Variants in MPPED2 observed in about 807,000 individuals in gnomAD.
The protein encoded by MPPED2 is metallophosphoesterase domain containing 2, also known as metallophosphoesterase MPPED2.
Under a neutral mutation model 33.0 loss-of-function variants are expected in MPPED2, and 5 were observed. The ratio of observed to expected loss-of-function variants is 0.15; its 90% CI spans 0.08 to 0.32. The LOEUF (loss-of-function observed/expected upper bound fraction) is 0.32, where lower values mean the gene tolerates loss of function less well. Ranked by LOEUF, MPPED2 falls within the 10% of genes least tolerant of loss-of-function variation. The pLI is 1.00. For missense variants in MPPED2, 275 were observed against 372.1 expected, an observed-to-expected ratio of 0.74 and a Z score of 2.15; for synonymous variants, 136 against 141.9, an observed-to-expected ratio of 0.96 and a Z score of 0.29.
intron 2 of MPPED2, among the ~76,000 whole-genome samples, chr11:30,576,892 A>C (rs1181537182): frequency 6.6e-6 from 1 of 151,668 alleles, no homozygotes; most frequent in East Asian, 1.9e-4. Flanking sequence ...AAAAAAAAAA[A>C]CTTCCCTCCA....
At chr11:30,506,098 C>T (rs1035492008) in intron 3 of MPPED2, among the ~76,000 whole-genome samples, 2 of 151,988 alleles carry the variant, frequency 1.3e-5, no homozygotes, top group Non-Finnish European at 2.9e-5. Flanking sequence ...AGTGCAGTGG[C>T]GCGATTTCAG....
chr11:30,410,970 G>A lies in MPPED2; in HGVS notation c.*498C>T. ...AGAAGTCTTTTCCATGCCTACTTCT[G>A]TTGAGAAGATTGCTATAAATTGGGA... On this transcript the variant is annotated 3_prime_UTR_variant, in exon 7 of 7. Coordinates refer to ENST00000358117, the MANE Select transcript of MPPED2 (RefSeq NM_001584.3). 3.0e-6 allele frequency: 3 copies of A among 985,750 alleles called. No individual in the cohort carries two copies. The highest frequency in any genetic ancestry group is 3.6e-6 in the Non-Finnish European group (3 of 829,936). 61.1% of individuals were successfully genotyped at this position (985,750 alleles called of 1,614,324 possible).
downstream of MPPED2, among the ~76,000 whole-genome samples, chr11:30,407,977 G>C (rs1172589763): frequency 1.3e-5 from 2 of 152,142 alleles, no homozygotes; most frequent in East Asian, 3.8e-4. Context: ...AAGCATGGGT[G>C]ACCTTATTTA....
chr11:30,441,992 T>C (rs1157115255), intron 4 of MPPED2, among the ~76,000 whole-genome samples: 2 of 152,174 alleles, frequency 1.3e-5, no homozygotes, highest in African/African-American at 4.8e-5. Context: ...GCAGAAGATG[T>C]AAAATAAAAA....
intron 4 of MPPED2, among the ~76,000 whole-genome samples, chr11:30,493,370 CAAA>C (rs751635120): frequency 6.9e-5 from 5 of 72,184 alleles, no homozygotes; most frequent in Non-Finnish European, 6.0e-5. Flanking sequence ...GACTCCGTCT[CAAA>C]AAAAAAAAAA....
At chr11:30,570,650 G>C (rs917845885) in intron 2 of MPPED2, among the ~76,000 whole-genome samples, 3 of 152,198 alleles carry the variant, frequency 2.0e-5, no homozygotes, top group Non-Finnish European at 1.5e-5. Flanking sequence ...CTATGTCATA[G>C]AAGAAGGCTA....
chr11:30,580,097 G>A (rs1957097313), intron 2 of MPPED2, 149 bp downstream of exon 2: 2 of 747,184 alleles, frequency 2.7e-6, no homozygotes, highest in Non-Finnish European at 4.3e-6. Flanking sequence ...GATTCCTCCT[G>A]AGCTGTATTT....
chr11:30,451,606 C>T, intron 4 of MPPED2: 2 of 773,268 alleles, frequency 2.6e-6, no homozygotes, highest in South Asian at 5.9e-5. Flanking sequence ...CACCCTCACT[C>T]TCACTCCATG....
At chr11:30,556,119 G>A (rs1565181024) in intron 2 of MPPED2, among the ~76,000 whole-genome samples, 1 of 152,104 alleles carries the variant, frequency 6.6e-6, no homozygotes, top group Non-Finnish European at 1.5e-5. Flanking sequence ...ATCAATCCCT[G>A]TAGCCTTTCA....
At position 30,580,138 on chromosome 11, in the gene MPPED2, T is replaced by C. The variant is rs1004207485; in HGVS notation, c.128+108A>G. 5.5e-6 allele frequency: 6 copies of C among 1,100,194 alleles called. No individual in the cohort carries two copies. In the Admixed American group the frequency reaches 6.5e-5, roughly 12 times the overall value. The allele number at this position is 1,100,194 out of a possible 1,614,324, so 68.2% of individuals were successfully genotyped here. A position where few individuals can be genotyped will look rare whatever the true frequency, so the allele number is the denominator to read the frequency against. On this transcript the variant is annotated intron_variant, in intron 2 of 6. Coordinates refer to ENST00000358117, the MANE Select transcript of MPPED2 (RefSeq NM_001584.3). Reference sequence around the variant, plus strand: ...CACAGATATCCATCTGATTTGTAAATCATTTACCTTTTAGTCTCCCTAGCA... The same window carrying C: ...CACAGATATCCATCTGATTTGTAAACCATTTACCTTTTAGTCTCCCTAGCA...
At chr11:30,405,893 A>G (rs1294101921), downstream of MPPED2, among the ~76,000 whole-genome samples, 2 of 152,150 alleles carry the variant, frequency 1.3e-5, no homozygotes, top group African/African-American at 2.4e-5. Flanking sequence ...CTTTTCTACA[A>G]GTGTGGAATC....
At chr11:30,561,159 T>C (rs1240507213) in intron 2 of MPPED2, among the ~76,000 whole-genome samples, 1 of 152,178 alleles carries the variant, frequency 6.6e-6, no homozygotes, top group Non-Finnish European at 1.5e-5. Context: ...CACACACTTA[T>C]TTCAATATGG....
intron 4 of MPPED2, among the ~76,000 whole-genome samples, chr11:30,479,765 C>T (rs564203): frequency 0.1 from 15,480 of 152,082 alleles, 1,019 homozygotes; most frequent in South Asian, 0.25. Context: ...GTTGCTTACA[C>T]TGAAACAGCC....
At position 30,573,209 on chromosome 11, in the gene MPPED2, T is replaced by C. The variant is rs149108096; in HGVS notation, c.128+7037A>G. Among the ~76,000 whole-genome samples, 479 of 152,314 alleles carry C rather than the reference T, an allele frequency of 3.1e-3. 5 individuals are homozygous for C. The highest frequency in any genetic ancestry group is 0.02 in the Admixed American group (308 of 15,298). On this transcript the variant is annotated intron_variant, in intron 2 of 6. Coordinates refer to ENST00000358117, the MANE Select transcript of MPPED2 (RefSeq NM_001584.3). The stretch of plus-strand genomic sequence containing the variant: ...ATGGAGTTGAAAATTTTCTATCGCC[T>C]AATGACATTAGCTGTCATAATGTCA...
At chr11:30,507,794 G>A (rs757528919) in intron 3 of MPPED2, among the ~76,000 whole-genome samples, 5 of 152,054 alleles carry the variant, frequency 3.3e-5, no homozygotes, top group East Asian at 1.9e-4. Flanking sequence ...AATAGTCTCC[G>A]ATATTTCTTT....
At chr11:30,507,416 C>A (rs1312509467) in intron 3 of MPPED2, among the ~76,000 whole-genome samples, 2 of 152,202 alleles carry the variant, frequency 1.3e-5, no homozygotes, top group African/African-American at 4.8e-5. Flanking sequence ...TATTACCTTG[C>A]ACACACATCC....
At chr11:30,495,593 T>G (rs1952214893) in intron 3 of MPPED2, 72 bp from the exon 4 acceptor site, 2 of 1,135,866 alleles carry the variant, frequency 1.8e-6, no homozygotes, top group Non-Finnish European at 2.6e-6. Flanking sequence ...CGAGACTGTG[T>G]GATTAGCAGA....
chr11:30,411,408 T>C lies in MPPED2; in HGVS notation c.*60A>G, dbSNP rs562388889. 3.0e-5 allele frequency: 46 copies of C among 1,538,870 alleles called. No individual in the cohort carries two copies. The South Asian group carries it at 4.6e-4, about 16-fold the overall frequency. ...AAATAAGTAAGAGAATGTAAGTTTA[T>C]AATTAGAAAAATGGCAGTTTATAGA... On this transcript the variant is annotated 3_prime_UTR_variant, in exon 7 of 7. Coordinates refer to ENST00000358117, the MANE Select transcript of MPPED2 (RefSeq NM_001584.3).
intron 4 of MPPED2, 54 bp from the exon 5 acceptor site, chr11:30,417,687 C>G (rs1948435490): frequency 9.9e-7 from 1 of 1,009,482 alleles, no homozygotes; most frequent in Non-Finnish European, 1.6e-6. Flanking sequence ...CGGCTCCGCT[C>G]TGCAATATTT....
Sources: gnomAD v4.1 joint callset for allele counts (sites outside exome capture counted in the v4.1 genomes callset) on GRCh38, gnomAD v4.1.1 for gene constraint, MANE v1.5 for transcripts, NCBI Gene and HGNC (gene_info 2026-07-23, HGNC 2026-07-21) for gene names.